SEMA3E: variants seen among roughly 807,000 people sequenced by gnomAD.
SEMA3E encodes the protein semaphorin 3E.
Under a neutral mutation model 93.6 loss-of-function variants are expected in SEMA3E, and 49 were observed. The observed-to-expected ratio is 0.52, with a 90% CI of 0.42 to 0.66. The LOEUF (loss-of-function observed/expected upper bound fraction) is 0.66. Among genes scored for constraint, SEMA3E ranks in the 30% least tolerant of loss-of-function variants. The pLI is 0.00. For missense variants in SEMA3E, 906 were observed against 964.8 expected (o/e 0.94, Z 0.81); for synonymous variants, 363 against 330.7 (o/e 1.10, Z -1.06).
At chr7:83,415,618 T>C (rs975652169) in intron 5 of SEMA3E, among the ~76,000 whole-genome samples, 4 of 152,136 alleles carry the variant, frequency 2.6e-5, no homozygotes, top group African/African-American at 9.6e-5. Context: ...ATTCAATTTT[T>C]TATTAACCTC....
intron 12 of SEMA3E, among the ~76,000 whole-genome samples, chr7:83,394,883 T>A (rs1166310038): frequency 6.6e-6 from 1 of 152,118 alleles, no homozygotes; most frequent in Non-Finnish European, 1.5e-5. Flanking sequence ...GAAGGACAAT[T>A]TATACCATAG....
chr7:83,374,655 A>G (rs1177176353), intron 16 of SEMA3E, among the ~76,000 whole-genome samples: 1 of 152,206 alleles, frequency 6.6e-6, no homozygotes, highest in African/African-American at 2.4e-5. Context: ...CATAGTGCTG[A>G]GTTCACAAAG....
intron 1 of SEMA3E, among the ~76,000 whole-genome samples, chr7:83,601,845 C>T (rs553671020): frequency 6.6e-6 from 1 of 152,154 alleles, no homozygotes; most frequent in East Asian, 1.9e-4. Context: ...TGAAACATCC[C>T]CTTATCTAAT....
intron 16 of SEMA3E, chr7:83,373,177 T>C (rs1330854946): frequency 6.6e-6 from 1 of 152,132 alleles, no homozygotes; most frequent in East Asian, 1.9e-4. Flanking sequence ...CAAAGAACTC[T>C]GAACATCTGG....
At chr7:83,463,464 C>A (rs1789677634) in intron 4 of SEMA3E, among the ~76,000 whole-genome samples, 1 of 152,238 alleles carries the variant, frequency 6.6e-6, no homozygotes, top group Non-Finnish European at 1.5e-5. Flanking sequence ...GCTGTACTCA[C>A]TCTTTGTTGA....
chr7:83,578,185 T>G (rs1255906026), intron 1 of SEMA3E, among the ~76,000 whole-genome samples: 1 of 152,196 alleles, frequency 6.6e-6, no homozygotes, highest in Non-Finnish European at 1.5e-5. Flanking sequence ...TAGTTTCATT[T>G]ACCACCAGGG....
At chr7:83,473,719 T>C (rs1395644455) in intron 2 of SEMA3E, among the ~76,000 whole-genome samples, 1 of 152,218 alleles carries the variant, frequency 6.6e-6, no homozygotes, top group Non-Finnish European at 1.5e-5. Flanking sequence ...GTTTCAGACT[T>C]TTCTTTTACA....
intron 1 of SEMA3E, among the ~76,000 whole-genome samples, chr7:83,615,756 G>A (rs911923694): frequency 6.6e-6 from 1 of 152,028 alleles, no homozygotes; most frequent in Non-Finnish European, 1.5e-5. Context: ...AAACACACAA[G>A]ACTAGAGAGC....
Position 83,524,137 on chromosome 7 carries a change from A to T in SEMA3E, c.116-33863T>A, listed in dbSNP as rs545432049. On this transcript the variant is annotated intron_variant, in intron 1 of 16. Transcript: ENST00000643230. ...TTGAGCAAAAATTACATTTTGATTT[A>T]TACTTAGATAAGCTTGCCTCATAGA... Among the ~76,000 whole-genome samples the T allele has an allele frequency of 1.4e-4, 22 of 152,236 alleles. No homozygotes were observed. The East Asian group carries it at 4.2e-3, about 29-fold the overall frequency.
chr7:83,398,934 AC>A (rs762266751), intron 11 of SEMA3E, among the ~76,000 whole-genome samples: 71 of 152,224 alleles, frequency 4.7e-4, no homozygotes, highest in Non-Finnish European at 9.0e-4. Context: ...ACAGAGCAGG[AC>A]CCCAGCTCAG....
In SEMA3E at chr7:83,551,270, C is replaced by T. The variant is rs191231224; in HGVS notation, c.116-60996G>A. Among the ~76,000 whole-genome samples, 337 of 152,112 alleles carry T rather than the reference C, an allele frequency of 2.2e-3. 1 individual carries two copies. The highest frequency in any genetic ancestry group is 6.4e-3 in the African/African-American group (266 of 41,510). ...AAAGAAAAGTGGCTTTATGGACTTA[C>T]GAATCTGGCATATAATCACCATGTT... On this transcript the variant is annotated intron_variant, in intron 1 of 16. Coordinates refer to ENST00000643230, the MANE Select transcript of SEMA3E (RefSeq NM_012431.3).
chr7:83,425,748 C>T (rs1025762333), intron 4 of SEMA3E, among the ~76,000 whole-genome samples: 5 of 151,952 alleles, frequency 3.3e-5, no homozygotes, highest in African/African-American at 4.8e-5. Context: ...ACAAGTCGGA[C>T]CTAAATAAAA....
chr7:83,366,443 T>A lies in SEMA3E; in HGVS notation c.*1143A>T, dbSNP rs951614900. 6.6e-6 allele frequency: 1 copy of A among 150,576 alleles called. No homozygotes were observed. Among genetic ancestry groups the A allele is most frequent in the Non-Finnish European group, 1.5e-5 (1 of 67,392 alleles). The allele number at this position is 150,576 out of a possible 1,614,324, so 9.3% of individuals were successfully genotyped here. ...CATGAAACAATTTTCTGTCTCTTAA[T>A]ATAAAAGAGAGAAGAAAATTTGATA... On this transcript the variant is annotated 3_prime_UTR_variant, in exon 17 of 17. Transcript: ENST00000643230.
At chr7:83,602,887 A>G (rs549984376) in intron 1 of SEMA3E, among the ~76,000 whole-genome samples, 1 of 152,276 alleles carries the variant, frequency 6.6e-6, no homozygotes, top group South Asian at 2.1e-4. Flanking sequence ...TTCATACTTT[A>G]ACATGTATTG....
chr7:83,554,448 T>C (rs1791840418), intron 1 of SEMA3E, among the ~76,000 whole-genome samples: 1 of 152,134 alleles, frequency 6.6e-6, no homozygotes, highest in Admixed American at 6.5e-5. Context: ...CTGCTTTCGA[T>C]TTCTACATAG....
intron 1 of SEMA3E, among the ~76,000 whole-genome samples, chr7:83,499,899 C>G (rs577479093): frequency 6.6e-6 from 1 of 152,218 alleles, no homozygotes; most frequent in South Asian, 2.1e-4. Flanking sequence ...TCTCAGTCTT[C>G]CAGAGGCTGA....
Position 83,421,533 on chromosome 7 carries a change from A to G in SEMA3E, c.457-3050T>C, listed in dbSNP as rs868170953. On this transcript the variant is annotated intron_variant, in intron 4 of 16. Transcript: ENST00000643230. Reference sequence around the variant, plus strand: ...AGTGACAATAAAAATCAATATTGAAAAACTTGTATAAAAAACTAATTTAAA... The same window carrying G: ...AGTGACAATAAAAATCAATATTGAAGAACTTGTATAAAAAACTAATTTAAA... Among the ~76,000 whole-genome samples, 8 of 142,042 alleles carry G rather than the reference A, an allele frequency of 5.6e-5. 1 individual carries two copies. The highest frequency in any genetic ancestry group is 2.0e-4 in the African/African-American group (8 of 39,748). The allele number at this position is 142,042 out of a possible 152,430, so 93.2% of individuals were successfully genotyped here. A position where few individuals can be genotyped will look rare whatever the true frequency, so the allele number is the denominator to read the frequency against.
At chr7:83,414,116 A>G (rs376881291) in intron 5 of SEMA3E, among the ~76,000 whole-genome samples, 10 of 152,294 alleles carry the variant, frequency 6.6e-5, no homozygotes, top group African/African-American at 7.2e-5. Context: ...TAGGGACAGG[A>G]AAGTGGTAAG....
At chr7:83,609,949 C>T (rs1259193800) in intron 1 of SEMA3E, among the ~76,000 whole-genome samples, 2 of 151,630 alleles carry the variant, frequency 1.3e-5, no homozygotes, top group African/African-American at 4.8e-5. Context: ...AAAGAGACTC[C>T]CCTCTATTTG....
Sources: gnomAD v4.1 joint callset for allele counts (sites outside exome capture counted in the v4.1 genomes callset) on GRCh38, gnomAD v4.1.1 for gene constraint, MANE v1.5 for transcripts, NCBI Gene and HGNC (gene_info 2026-07-23, HGNC 2026-07-21) for gene names.